The following CADPS2 variants were observed in gnomAD, a reference collection of about 807,000 sequenced individuals.
The protein encoded by CADPS2 is calcium dependent secretion activator 2, also known as calcium-dependent secretion activator 2.
CADPS2 carries 93 observed loss-of-function variants against 172.5 expected under a neutral mutation model. The observed-to-expected ratio is 0.54, with a 90% CI of 0.46 to 0.64. The LOEUF (loss-of-function observed/expected upper bound fraction) is 0.64, where lower values mean the gene tolerates loss of function less well. CADPS2 is among the 30% of genes least tolerant of loss of function. CADPS2 has a pLI of 0.00. For synonymous variants in CADPS2, 546 were observed against 555.2 expected (o/e 0.98, Z 0.23); for missense variants, 1,420 against 1,565.9 (o/e 0.91, Z 1.57).
rs538947892 is a variant in CADPS2 at position 122,338,399 on chromosome 7, A to C, written c.3612+7175T>G. On this transcript the variant is annotated intron_variant, in intron 28 of 29. Coordinates refer to ENST00000449022, the MANE Select transcript of CADPS2 (RefSeq NM_017954.11). ...ACAGAGTGAGACTCTGTCTCAGAAAAAAACAAACAAACAAACAAACAAATA... is the reference window on the plus strand; with the variant it reads ...ACAGAGTGAGACTCTGTCTCAGAAACAAACAAACAAACAAACAAACAAATA... 2.0e-3 allele frequency among the ~76,000 whole-genome samples: 309 copies of C among 152,234 alleles called. 7 individuals are homozygous for C. In the South Asian group the frequency reaches 0.021, roughly 10 times the overall value.
chr7:122,320,183 G>A lies in CADPS2; in HGVS notation c.3873C>T (p.Asp1291=), dbSNP rs758965682. Residue 1291 remains aspartate, a synonymous_variant, in exon 30 of 30, where the codon GAC becomes GAT. Transcript: ENST00000449022. ...GLQGITMKDS[D]EEEEG is the part of the protein sequence containing the mutation. ...TGTGATATCAGCCTTCTTCTTCTTC[G>A]TCACTGTCTTTCATAGTAATGCCCT... The A allele has an allele frequency of 2.9e-5, 46 of 1,602,298 alleles. No homozygotes were observed. Among genetic ancestry groups the A allele is most frequent in the Admixed American group, 8.6e-5 (5 of 57,966 alleles).
intron 1 of CADPS2, among the ~76,000 whole-genome samples, chr7:122,744,697 A>G (rs967738638): frequency 6.6e-6 from 1 of 152,186 alleles, no homozygotes; most frequent in African/African-American, 2.4e-5. Context: ...AAACTAAGTG[A>G]TAAGTACAGA....
chr7:122,435,648 A>C (rs539596219), intron 17 of CADPS2, among the ~76,000 whole-genome samples: 17 of 152,294 alleles, frequency 1.1e-4, no homozygotes, highest in Admixed American at 9.2e-4. Context: ...ACTCCAAAGG[A>C]TTCAGCAATC....
intron 1 of CADPS2, among the ~76,000 whole-genome samples, chr7:122,880,299 A>G (rs909157074): frequency 2.6e-5 from 4 of 152,210 alleles, no homozygotes; most frequent in African/African-American, 9.7e-5. Flanking sequence ...CAGTTGTACA[A>G]TGAATAAAAG....
chr7:122,635,800 T>C (rs2077015062), intron 3 of CADPS2, among the ~76,000 whole-genome samples: 1 of 152,212 alleles, frequency 6.6e-6, no homozygotes, highest in Admixed American at 6.5e-5. Flanking sequence ...TGGATGTGTA[T>C]ATATTTAGGA....
intron 27 of CADPS2, among the ~76,000 whole-genome samples, chr7:122,351,243 G>T (rs2038531899): frequency 6.7e-6 from 1 of 150,270 alleles, no homozygotes. Flanking sequence ...CATGGTGGCG[G>T]GTGCCTGTAG....
At chr7:122,522,808 T>C (rs566928933) in intron 8 of CADPS2, among the ~76,000 whole-genome samples, 97 of 146,296 alleles carry the variant, frequency 6.6e-4, no homozygotes, top group South Asian at 9.5e-4. Flanking sequence ...AGCTTTTACA[T>C]GTGAGAACAT....
At chr7:122,577,723 C>A (rs889289715) in intron 7 of CADPS2, among the ~76,000 whole-genome samples, 1 of 152,176 alleles carries the variant, frequency 6.6e-6, no homozygotes, top group African/African-American at 2.4e-5. Flanking sequence ...TAACTTTATA[C>A]AAAAAACTGG....
chr7:122,432,472 T>A (rs1265558285), intron 17 of CADPS2, among the ~76,000 whole-genome samples: 1 of 151,562 alleles, frequency 6.6e-6, no homozygotes, highest in Non-Finnish European at 1.5e-5. Context: ...AAACCCCATC[T>A]CTACCAAAAA....
intron 8 of CADPS2, among the ~76,000 whole-genome samples, chr7:122,554,076 C>A (rs538537916): frequency 1.1e-4 from 17 of 152,078 alleles, no homozygotes; most frequent in Non-Finnish European, 2.1e-4. Context: ...TGATTCAATT[C>A]TCACTCACAT....
intron 6 of CADPS2, among the ~76,000 whole-genome samples, chr7:122,599,716 T>C (rs1445425683): frequency 6.6e-6 from 1 of 152,126 alleles, no homozygotes; most frequent in African/African-American, 2.4e-5. Context: ...AGCTATTTCT[T>C]TGTATTCTTT....
intron 2 of CADPS2, among the ~76,000 whole-genome samples, chr7:122,719,060 T>C (rs2090044083): frequency 6.6e-6 from 1 of 152,132 alleles, no homozygotes; most frequent in Admixed American, 6.6e-5. Flanking sequence ...GGTAAATCCC[T>C]CTACGTTATA....
At chr7:122,329,896 T>G (rs2034614772) in intron 28 of CADPS2, among the ~76,000 whole-genome samples, 1 of 152,178 alleles carries the variant, frequency 6.6e-6, no homozygotes, top group African/African-American at 2.4e-5. Context: ...AGAATGCGGC[T>G]TCTGATGATG....
At chr7:122,351,160 T>G (rs2038505136) in intron 27 of CADPS2, among the ~76,000 whole-genome samples, 1 of 151,530 alleles carries the variant, frequency 6.6e-6, no homozygotes, top group Non-Finnish European at 1.5e-5. Flanking sequence ...AGTCAGGAGA[T>G]AAGAGACCAT....
At chr7:122,591,212 A>T (rs1185437222) in intron 6 of CADPS2, among the ~76,000 whole-genome samples, 1 of 152,144 alleles carries the variant, frequency 6.6e-6, no homozygotes, top group Non-Finnish European at 1.5e-5. Context: ...AGAGAGCCAA[A>T]TCATGAATGA....
At chr7:122,338,413 A>G (rs2036238705) in intron 28 of CADPS2, among the ~76,000 whole-genome samples, 1 of 152,066 alleles carries the variant, frequency 6.6e-6, no homozygotes, top group Admixed American at 6.6e-5. Flanking sequence ...CAAACAAACA[A>G]ACAAACAAAT....
chr7:122,469,625 C>T (rs1014111493), intron 14 of CADPS2, among the ~76,000 whole-genome samples: 6 of 152,102 alleles, frequency 3.9e-5, no homozygotes, highest in Non-Finnish European at 7.3e-5. Flanking sequence ...AAAGTGAAAA[C>T]CTGAATAGAC....
intron 2 of CADPS2, among the ~76,000 whole-genome samples, chr7:122,671,479 A>G (rs1224344963): frequency 6.6e-6 from 1 of 152,198 alleles, no homozygotes; most frequent in Non-Finnish European, 1.5e-5. Flanking sequence ...CTGAAATCGC[A>G]GCACTTTGGG....
At chr7:122,490,521 C>T (rs1050109386) in intron 10 of CADPS2, among the ~76,000 whole-genome samples, 1 of 152,118 alleles carries the variant, frequency 6.6e-6, no homozygotes, top group African/African-American at 2.4e-5. Flanking sequence ...CAGTCCATGA[C>T]AGAGTATCAT....
Sources: gnomAD v4.1 joint callset for allele counts (sites outside exome capture counted in the v4.1 genomes callset) on GRCh38, gnomAD v4.1.1 for gene constraint, MANE v1.5 for transcripts, NCBI Gene and HGNC (gene_info 2026-07-23, HGNC 2026-07-21) for gene names.